MAP3K19: variants seen among roughly 807,000 people sequenced by gnomAD.
MAP3K19 encodes mitogen-activated protein kinase kinase kinase 19.
A neutral mutation model predicts 114.4 loss-of-function variants in MAP3K19; 91 were observed. That is an observed-to-expected ratio of 0.80 (90% CI 0.67 to 0.95). The LOEUF (loss-of-function observed/expected upper bound fraction) is 0.95. Ranked by LOEUF, MAP3K19 falls within the 40% of genes least tolerant of loss-of-function variation. The pLI is 0.00. For missense variants in MAP3K19, 1,471 were observed against 1,573.2 expected (o/e 0.94, Z 1.10); for synonymous variants, 518 against 530.5 (o/e 0.98, Z 0.32).
At chr2:135,020,008 A>C (rs535665863) in intron 5 of MAP3K19, among the ~76,000 whole-genome samples, 2 of 151,058 alleles carry the variant, frequency 1.3e-5, no homozygotes, top group African/African-American at 2.4e-5. Context: ...CAGATTAATG[A>C]TCTCCTTTTC....
intron 12 of MAP3K19, among the ~76,000 whole-genome samples, chr2:134,967,678 CCTT>C (rs1559131071): frequency 1.3e-5 from 2 of 152,144 alleles, no homozygotes; most frequent in African/African-American, 4.8e-5. Context: ...CTGACTTTCT[CCTT>C]ATTATCACCT....
Position 134,986,043 on chromosome 2 carries a change from T to C in MAP3K19, c.2829A>G (p.Gly943=). 2 of 1,613,700 alleles carry C rather than the reference T, an allele frequency of 1.2e-6. No homozygotes were observed. Among genetic ancestry groups the C allele is most frequent in the Non-Finnish European group, 1.7e-6 (2 of 1,179,918 alleles). ...ANKSITYQMF[G]KTLSGTNSIS... is the part of the protein sequence containing the mutation. ...TTGAATTTGTGCCACTTAAGGTTTTTCCAAACATTTGATATGTGATTGACT... is the reference window on the plus strand; with the variant it reads ...TTGAATTTGTGCCACTTAAGGTTTTCCCAAACATTTGATATGTGATTGACT... The change falls in exon 10 of 13, where the codon GGA becomes GGG. Residue 943 remains glycine, a synonymous_variant. Transcript: ENST00000392915.
intron 1 of MAP3K19, among the ~76,000 whole-genome samples, chr2:135,042,153 A>G (rs2104800341): frequency 6.6e-6 from 1 of 152,336 alleles, no homozygotes; most frequent in Non-Finnish European, 1.5e-5. Context: ...TCAGATAATG[A>G]ATCTTACAGA....
chr2:135,006,507 T>C (rs1240540538), intron 5 of MAP3K19, among the ~76,000 whole-genome samples: 1 of 152,196 alleles, frequency 6.6e-6, no homozygotes, highest in Non-Finnish European at 1.5e-5. Context: ...ATTTTAATTG[T>C]CGTAGCAAAT....
chr2:135,035,125 G>A (rs1574056219), intron 2 of MAP3K19, among the ~76,000 whole-genome samples: 2 of 151,504 alleles, frequency 1.3e-5, no homozygotes, highest in Admixed American at 6.6e-5. Flanking sequence ...GGCCAAGCAC[G>A]GTGGCTCACA....
intron 6 of MAP3K19, among the ~76,000 whole-genome samples, chr2:135,003,293 C>T (rs1282047169): frequency 1.3e-5 from 2 of 152,214 alleles, no homozygotes; most frequent in Non-Finnish European, 2.9e-5. Context: ...GAAAGTTCCT[C>T]TCCTCTGGTT....
At chr2:135,021,899 C>T in intron 4 of MAP3K19, 69 bp from the exon 5 acceptor site, 1 of 938,730 alleles carries the variant, frequency 1.1e-6, no homozygotes, top group Non-Finnish European at 1.6e-6. Context: ...GAAGATCTAG[C>T]TCTATGTTCT....
At chr2:134,978,978 A>ACC (rs1024347840) in intron 12 of MAP3K19, among the ~76,000 whole-genome samples, 1 of 152,080 alleles carries the variant, frequency 6.6e-6, no homozygotes, top group African/African-American at 2.4e-5. Context: ...CAATAGGAGT[A>ACC]CCCCCTCCAT....
intron 12 of MAP3K19, among the ~76,000 whole-genome samples, chr2:134,970,601 T>TC (rs1553535196): frequency 0.28 from 41,452 of 147,054 alleles, 6,454 homozygotes; most frequent in Middle Eastern, 0.56. Flanking sequence ...ATGCCTTTTT[T>TC]TTTTTTTTTT....
In MAP3K19 at chr2:134,987,108, G is replaced by A. The variant is rs768561562; in HGVS notation, c.1764C>T (p.Pro588=). 1 of 1,613,570 alleles carries A rather than the reference G, an allele frequency of 6.2e-7. No homozygotes were observed. The change falls in exon 10 of 13, where the codon CCC becomes CCT. Residue 588 remains proline (P), a synonymous_variant. Transcript: ENST00000392915. Reference sequence around the variant, plus strand: ...TCTGTGGCATTTTCTTTTGAAACCTGGGCAATTGCCAAGGCCTGGGGTCCA... The same window carrying A: ...TCTGTGGCATTTTCTTTTGAAACCTAGGCAATTGCCAAGGCCTGGGGTCCA... ...GLVDPRPWQL[P]RFQKKMPQIA...
Position 135,040,374 on chromosome 2 carries a change from T to A in MAP3K19, c.-295A>T, listed in dbSNP as rs539786552. On this transcript the variant is annotated 5_prime_UTR_variant, in exon 2 of 13. Transcript: ENST00000392915. Reference sequence around the variant, plus strand: ...ATGCCACATGTTACCTCTGTTAGATTTTCCTCTGCTGCAGTAATGAGAGGC... The same window carrying A: ...ATGCCACATGTTACCTCTGTTAGATATTCCTCTGCTGCAGTAATGAGAGGC... The A allele has an allele frequency of 6.5e-6, 1 of 152,748 alleles. No individual in the cohort carries two copies. Among genetic ancestry groups the A allele is most frequent in the Admixed American group, 6.5e-5 (1 of 15,298 alleles). The allele number at this position is 152,748 out of a possible 1,614,324, so 9.5% of individuals were successfully genotyped here.
intron 9 of MAP3K19, among the ~76,000 whole-genome samples, chr2:134,988,605 G>T (rs1263182833): frequency 2.0e-5 from 3 of 152,014 alleles, no homozygotes; most frequent in Admixed American, 1.3e-4. Flanking sequence ...GCCCAGGCTG[G>T]TCTCAAACTC....
At chr2:135,029,961 A>T (rs988580960) in intron 3 of MAP3K19, among the ~76,000 whole-genome samples, 1 of 152,198 alleles carries the variant, frequency 6.6e-6, no homozygotes, top group African/African-American at 2.4e-5. Context: ...GTCCAAAGGG[A>T]TCAAAGCAGC....
At chr2:134,975,570 C>T (rs1335120965) in intron 12 of MAP3K19, among the ~76,000 whole-genome samples, 1 of 152,076 alleles carries the variant, frequency 6.6e-6, no homozygotes, top group Non-Finnish European at 1.5e-5. Context: ...TGGGTGGCTG[C>T]AGCTCCGGTG....
Position 134,987,461 on chromosome 2 carries a change from C to A in MAP3K19, c.1411G>T (p.Ala471Ser). Residue 471 changes from alanine (A) to serine (S), a missense_variant, in exon 10 of 13, where the codon GCA becomes TCA. Coordinates refer to ENST00000392915, the MANE Select transcript of MAP3K19 (RefSeq NM_025052.5). ...SMETNIKISI[A>S]ERAKPEMSRM... ...CTCATTTCTGGTTTGGCTCTTTCTG[C>A]TATTGATATTTTTATGTTTGTCTCC... is the stretch of plus-strand genomic sequence containing the variant. The A allele has an allele frequency of 6.2e-7, 1 of 1,614,124 alleles. No individual in the cohort carries two copies. Among genetic ancestry groups the A allele is most frequent in the Non-Finnish European group, 8.5e-7 (1 of 1,180,012 alleles).
chr2:134,992,101 C>T (rs984913016), intron 8 of MAP3K19, among the ~76,000 whole-genome samples: 3 of 152,122 alleles, frequency 2.0e-5, no homozygotes, highest in African/African-American at 7.2e-5. Context: ...TTTTATTACC[C>T]TAGAATATAA....
intron 12 of MAP3K19, among the ~76,000 whole-genome samples, chr2:134,965,237 A>G (rs543572724): frequency 1.3e-5 from 2 of 152,298 alleles, no homozygotes; most frequent in Non-Finnish European, 2.9e-5. Context: ...CTACTTTCCC[A>G]TTGTACTTTT....
intron 3 of MAP3K19, among the ~76,000 whole-genome samples, chr2:135,025,377 C>CTTTTTTT (rs754598942): frequency 4.3e-4 from 30 of 69,526 alleles, no homozygotes; most frequent in African/African-American, 1.6e-3. Context: ...CTTTTCTTTT[C>CTTTTTTT]TTTTTTTTTT....
rs1042043573 is a variant in MAP3K19 at position 135,024,754 on chromosome 2, G to A, written c.-94-13C>T. 1.1e-6 allele frequency: 1 copy of A among 921,374 alleles called. No individual in the cohort carries two copies. Among genetic ancestry groups the A allele is most frequent in the East Asian group, 2.5e-5 (1 of 40,318 alleles). 57.1% of individuals were successfully genotyped at this position (921,374 alleles called of 1,614,324 possible). ...AAGTTTAGGATCTCTAGGAAGAACA[G>A]AATCAACATTAAAGTTTATTTAGTT... On this transcript the variant is annotated splice_polypyrimidine_tract_variant and intron_variant, in intron 3 of 12. Coordinates refer to ENST00000392915, the MANE Select transcript of MAP3K19 (RefSeq NM_025052.5).
Sources: gnomAD v4.1 joint callset for allele counts (sites outside exome capture counted in the v4.1 genomes callset) on GRCh38, gnomAD v4.1.1 for gene constraint, MANE v1.5 for transcripts, NCBI Gene and HGNC (gene_info 2026-07-23, HGNC 2026-07-21) for gene names.